The following NPAS3 variants were observed in gnomAD, a reference collection of about 807,000 sequenced individuals.
NPAS3 encodes the protein neuronal PAS domain-containing protein 3.
NPAS3 carries 14 observed loss-of-function variants against 73.1 expected under a neutral mutation model. The ratio of observed to expected loss-of-function variants is 0.19; its 90% CI spans 0.13 to 0.30. The LOEUF (loss-of-function observed/expected upper bound fraction) is 0.30, where lower values mean the gene tolerates loss of function less well. Ranked by LOEUF, NPAS3 falls within the 10% of genes least tolerant of loss-of-function variation. The probability of loss-of-function intolerance (pLI) is 1.00; values close to 1 mark genes in which losing one functional copy is unlikely to be tolerated. For synonymous variants in NPAS3, 620 were observed against 541.5 expected (o/e 1.14, Z -2.01); for missense variants, 1,096 against 1,250.0 (o/e 0.88, Z 1.86).
intron 5 of NPAS3, among the ~76,000 whole-genome samples, chr14:33,674,537 C>T (rs553681144): frequency 4.6e-4 from 70 of 152,284 alleles, no homozygotes; most frequent in Non-Finnish European, 7.3e-4. Flanking sequence ...GCAAGGCGCA[C>T]ATTAAAGGGA....
At chr14:33,410,633 T>G (rs1033717326) in intron 4 of NPAS3, among the ~76,000 whole-genome samples, 1 of 152,202 alleles carries the variant, frequency 6.6e-6, no homozygotes, top group Admixed American at 6.6e-5. Flanking sequence ...ACATTTTGGC[T>G]CAAGAATAGT....
chr14:33,136,593 C>A (rs1307995640), intron 2 of NPAS3, among the ~76,000 whole-genome samples: 1 of 152,050 alleles, frequency 6.6e-6, no homozygotes, highest in Non-Finnish European at 1.5e-5. Flanking sequence ...TGAAACTCAC[C>A]CCAAGTTGTA....
Position 33,036,597 on chromosome 14 carries a change from A to AT in NPAS3, c.51-19304dup, listed in dbSNP as rs541038918. Among the ~76,000 whole-genome samples the AT allele has an allele frequency of 5.3e-4, 81 of 152,142 alleles. 1 individual carries two copies. Among genetic ancestry groups the AT allele is most frequent in the Non-Finnish European group, 6.6e-4 (45 of 68,028 alleles). Reference sequence around the variant, plus strand: ...GTGGGAAGTAATACCTGAAACAGAGATTTTCTTAAAGGTAATTTGAAGATT... The same window carrying AT: ...GTGGGAAGTAATACCTGAAACAGAGATTTTTCTTAAAGGTAATTTGAAGATT... On this transcript the variant is annotated intron_variant, in intron 1 of 11. Coordinates refer to ENST00000356141, the Ensembl canonical transcript of NPAS3.
intron 1 of NPAS3, among the ~76,000 whole-genome samples, chr14:33,036,704 T>A (rs1317782829): frequency 6.6e-6 from 1 of 152,142 alleles, no homozygotes; most frequent in East Asian, 1.9e-4. Context: ...AATGACTTCG[T>A]CTACTTCTAG....
At chr14:33,784,751 T>TTTTTTATTTTTTTTTTTTTTTA (rs1555333521) in intron 9 of NPAS3, among the ~76,000 whole-genome samples, 1 of 114,876 alleles carries the variant, frequency 8.7e-6, no homozygotes, top group African/African-American at 3.9e-5. Flanking sequence ...ATTTATTTTT[T>TTTTTTATTTTTTTTTTTTTTTA]TTTTTTTTTT....
At chr14:33,226,915 T>G (rs1642558513) in intron 3 of NPAS3, among the ~76,000 whole-genome samples, 1 of 152,252 alleles carries the variant, frequency 6.6e-6, no homozygotes, top group African/African-American at 2.4e-5. Flanking sequence ...GGGTTTTATA[T>G]AAATACTTTA....
At chr14:33,635,342 G>A (rs2058485204) in intron 5 of NPAS3, among the ~76,000 whole-genome samples, 1 of 152,164 alleles carries the variant, frequency 6.6e-6, no homozygotes, top group Non-Finnish European at 1.5e-5. Context: ...GATGGAATTG[G>A]ATGTGAGGAA....
At chr14:33,666,034 C>T (rs182140834) in intron 5 of NPAS3, among the ~76,000 whole-genome samples, 16 of 152,152 alleles carry the variant, frequency 1.1e-4, no homozygotes, top group African/African-American at 3.9e-4. Context: ...GTGGTACCAA[C>T]TTGAGAAGAA....
chr14:33,435,475 C>T (rs2048950601), intron 4 of NPAS3, among the ~76,000 whole-genome samples: 1 of 152,202 alleles, frequency 6.6e-6, no homozygotes, highest in African/African-American at 2.4e-5. Context: ...TGATATTTCT[C>T]TTTCAGATAA....
chr14:33,126,004 A>C (rs1217575881), intron 2 of NPAS3, among the ~76,000 whole-genome samples: 6 of 152,188 alleles, frequency 3.9e-5, no homozygotes, highest in Non-Finnish European at 8.8e-5. Context: ...GAAAAGGTAA[A>C]GGTCACAAGA....
rs146065725 is a variant in NPAS3, at chr14:33,153,386, T to C, written c.141-61796T>C. On this transcript the variant is annotated intron_variant, in intron 2 of 11. Coordinates refer to ENST00000356141, the Ensembl canonical transcript of NPAS3. ...GGGTGAACCATGTAGGGAACTCCAA[T>C]GTCTGTTATCTTTAAATTTGTCCTC... Among the ~76,000 whole-genome samples the C allele has an allele frequency of 4.4e-3, 663 of 152,260 alleles. 7 individuals are homozygous for C. Among genetic ancestry groups the C allele is most frequent in the African/African-American group, 0.015 (620 of 41,542 alleles).
chr14:33,636,944 AAAGATTAACAGAATTG>A (rs1567075080), intron 5 of NPAS3, among the ~76,000 whole-genome samples: 3 of 147,700 alleles, frequency 2.0e-5, no homozygotes, highest in Non-Finnish European at 4.4e-5. Context: ...TTGCAGGTTT[AAAGATTAACAGAATTG>A]GTCTATCTGC....
exon 8 of NPAS3, chr14:33,774,372 G>A (rs2062746510): frequency 6.2e-7 from 1 of 1,614,024 alleles, no homozygotes; most frequent in East Asian, 2.2e-5. Context: ...GCCTGAGAGT[G>A]TCGCTGTCCC....
intron 5 of NPAS3, among the ~76,000 whole-genome samples, chr14:33,674,004 T>C (rs2059683284): frequency 6.6e-6 from 1 of 152,118 alleles, no homozygotes; most frequent in African/African-American, 2.4e-5. Flanking sequence ...TGAGGTATGT[T>C]GGTGGGAAAT....
chr14:33,229,598 G>A (rs376401712), intron 3 of NPAS3, among the ~76,000 whole-genome samples: 1 of 152,170 alleles, frequency 6.6e-6, no homozygotes, highest in East Asian at 1.9e-4. Flanking sequence ...CACAAAGGGA[G>A]GGAACAATTT....
At chr14:32,964,843 G>A (rs1265609243) in intron 1 of NPAS3, among the ~76,000 whole-genome samples, 3 of 151,924 alleles carry the variant, frequency 2.0e-5, no homozygotes, top group African/African-American at 4.8e-5. Context: ...TTAGCTCGGT[G>A]TGGTGGTGCT....
intron 4 of NPAS3, among the ~76,000 whole-genome samples, chr14:33,391,187 C>CTTT (rs370631048): frequency 1.6e-3 from 175 of 109,796 alleles, no homozygotes; most frequent in African/African-American, 3.6e-3. Context: ...TGGCCCATAT[C>CTTT]TTTTTTTTTT....
At chr14:33,421,499 T>C (rs10136649) in intron 4 of NPAS3, among the ~76,000 whole-genome samples, 18,892 of 151,612 alleles carry the variant, frequency 0.12, 1,726 homozygotes, top group African/African-American at 0.26. Flanking sequence ...AAGCTGCCTT[T>C]AAAAACACAA....
intron 3 of NPAS3, among the ~76,000 whole-genome samples, chr14:33,257,026 T>C (rs2048802575): frequency 6.6e-6 from 1 of 152,174 alleles, no homozygotes; most frequent in African/African-American, 2.4e-5. Flanking sequence ...GGCTTGTGGC[T>C]TGGATCCACT....
Sources: allele counts gnomAD v4.1 joint callset (sites outside exome capture counted in the v4.1 genomes callset), GRCh38; gene constraint gnomAD v4.1.1; transcripts MANE v1.5; gene names NCBI Gene and HGNC (gene_info 2026-07-23, HGNC 2026-07-21).